Variants in SPAG6 observed in about 807,000 individuals in gnomAD.
SPAG6 encodes sperm-associated antigen 6.
SPAG6 carries 49 observed loss-of-function variants against 58.5 expected under a neutral mutation model. The observed-to-expected ratio is 0.84, with a 90% CI of 0.67 to 1.06. The LOEUF (loss-of-function observed/expected upper bound fraction) is 1.06, where lower values mean the gene tolerates loss of function less well. SPAG6 is among the 50% of genes least tolerant of loss of function. The pLI is 0.00. For synonymous variants in SPAG6, 233 were observed against 225.6 expected, an observed-to-expected ratio of 1.03 and a Z score of -0.29; for missense variants, 560 against 611.3, an observed-to-expected ratio of 0.92 and a Z score of 0.89.
intron 6 of SPAG6, 122 bp downstream of exon 6, chr10:22,388,118 C>T (rs1249105289): frequency 1.7e-5 from 13 of 744,742 alleles, no homozygotes; most frequent in East Asian, 5.5e-5. Flanking sequence ...CAGGATTTCT[C>T]GTCTTCTACT....
intron 4 of SPAG6, among the ~76,000 whole-genome samples, chr10:22,378,899 A>G (rs979631834): frequency 2.0e-5 from 3 of 152,180 alleles, no homozygotes; most frequent in African/African-American, 4.8e-5. Context: ...TGTTAACTCC[A>G]GATCAATGGC....
chr10:22,410,022 C>T (rs1588565622), intron 9 of SPAG6, among the ~76,000 whole-genome samples: 1 of 152,286 alleles, frequency 6.6e-6, no homozygotes, highest in Non-Finnish European at 1.5e-5. Flanking sequence ...CTTCCTCAAC[C>T]TCCCCTCCAC....
Position 22,391,752 on chromosome 10 carries a change from C to T in SPAG6, c.1029C>T (p.Cys343=). The change falls in exon 8 of 11, where the codon TGC becomes TGT. Residue 343 remains cysteine, a synonymous_variant. Coordinates refer to ENST00000376624, the MANE Select transcript of SPAG6 (RefSeq NM_012443.4). ...ISKGVPQLSV[C]LSEEPEDHIK... ...AGGGTGTACCCCAGTTGTCAGTCTG[C>T]TTGTCAGAAGAACCGGAAGATCATA... The T allele has an allele frequency of 6.2e-7, 1 of 1,613,448 alleles. No individual in the cohort carries two copies. The highest frequency in any genetic ancestry group is 8.5e-7 in the Non-Finnish European group (1 of 1,179,640).
At chr10:22,372,008 C>G (rs985361701) in intron 4 of SPAG6, among the ~76,000 whole-genome samples, 10 of 152,090 alleles carry the variant, frequency 6.6e-5, no homozygotes, top group Non-Finnish European at 1.2e-4. Context: ...TCTGACTTTG[C>G]AGATAAATAA....
At position 22,411,119 on chromosome 10, in the gene SPAG6, C is replaced by A; in HGVS notation, c.1403C>A (p.Ser468Tyr). 6.2e-7 allele frequency: 1 copy of A among 1,613,966 alleles called. No individual in the cohort carries two copies. Among genetic ancestry groups the A allele is most frequent in the Non-Finnish European group, 8.5e-7 (1 of 1,179,896 alleles). ...CAAGAGATAAAAGCAGAACCTGGTTCTCTCCTTCAAGAATACATCAACAGT... is the reference window on the plus strand; with the variant it reads ...CAAGAGATAAAAGCAGAACCTGGTTATCTCCTTCAAGAATACATCAACAGT... Reference protein sequence around the residue: ...KVQEIKAEPGSLLQEYINSIN... With the variant: ...KVQEIKAEPGYLLQEYINSIN... The change falls in exon 10 of 11, where the codon TCT (serine) becomes TAT (tyrosine). Residue 468 changes from serine (S) to tyrosine (Y), a missense_variant. By Grantham distance (144) the Ser-to-Tyr change is moderately radical. Transcript: ENST00000376624.
chr10:22,399,364 T>G (rs1048682541), intron 8 of SPAG6, among the ~76,000 whole-genome samples: 1 of 152,200 alleles, frequency 6.6e-6, no homozygotes, highest in East Asian at 1.9e-4. Flanking sequence ...TTTCTGTGTT[T>G]CTGAATTTGA....
chr10:22,396,918 G>A (rs1424493673), intron 8 of SPAG6, among the ~76,000 whole-genome samples: 1 of 152,108 alleles, frequency 6.6e-6, no homozygotes, highest in Non-Finnish European at 1.5e-5. Flanking sequence ...TGTATCTAAG[G>A]ATAAACATTA....
intron 10 of SPAG6, among the ~76,000 whole-genome samples, chr10:22,414,161 A>G (rs1320812558): frequency 6.6e-6 from 1 of 152,174 alleles, no homozygotes; most frequent in Non-Finnish European, 1.5e-5. Flanking sequence ...GCTTTGGGGC[A>G]ACATCTAATT....
At chr10:22,388,858 T>C (rs907202197) in intron 6 of SPAG6, among the ~76,000 whole-genome samples, 12 of 152,146 alleles carry the variant, frequency 7.9e-5, no homozygotes. Flanking sequence ...TAGTTAGTTA[T>C]GAACCAGCCC....
intron 2 of SPAG6, among the ~76,000 whole-genome samples, chr10:22,356,797 T>A (rs1836881104): frequency 6.6e-6 from 1 of 152,196 alleles, no homozygotes; most frequent in African/African-American, 2.4e-5. Context: ...ACTATGATAG[T>A]TTCCTAAGTG....
At position 22,364,940 on chromosome 10, in the gene SPAG6, A is replaced by G; in HGVS notation, c.209A>G (p.Asn70Ser). The G allele has an allele frequency of 6.2e-7, 1 of 1,613,534 alleles. No individual in the cohort carries two copies. The highest frequency in any genetic ancestry group is 8.5e-7 in the Non-Finnish European group (1 of 1,179,644). Residue 70 changes from asparagine to serine, a missense_variant, in exon 3 of 11, where the codon AAT (asparagine) becomes AGT (serine). Asn to Ser is a conservative substitution (Grantham distance 46). Transcript: ENST00000376624. Reference sequence around the variant, plus strand: ...GCTTTGGCTCTTGGGAGACTGGCCAATTATAATGATGACCTAGCAGAAGCT... The same window carrying G: ...GCTTTGGCTCTTGGGAGACTGGCCAGTTATAATGATGACCTAGCAGAAGCT... Reference protein sequence around the residue: ...TAALALGRLANYNDDLAEAVV... With the variant: ...TAALALGRLASYNDDLAEAVV...
At chr10:22,361,995 T>C (rs892678743) in intron 2 of SPAG6, among the ~76,000 whole-genome samples, 2 of 147,020 alleles carry the variant, frequency 1.4e-5, no homozygotes, top group Non-Finnish European at 3.0e-5. Context: ...TAAATAAATA[T>C]ATATATTTAT....
At chr10:22,362,245 C>T (rs906338322) in intron 2 of SPAG6, among the ~76,000 whole-genome samples, 3 of 147,488 alleles carry the variant, frequency 2.0e-5, no homozygotes, top group South Asian at 2.1e-4. Context: ...ATTTCCCCCC[C>T]AAAACAAAAT....
chr10:22,365,060 A>C, intron 3 of SPAG6, 41 bp downstream of exon 3: 2 of 1,465,660 alleles, frequency 1.4e-6, no homozygotes, highest in Non-Finnish European at 9.2e-7. Context: ...TTTTTGTTTT[A>C]GATTTTTAAA....
chr10:22,364,739 T>G, intron 2 of SPAG6, 114 bp from the exon 3 acceptor site: 1 of 706,874 alleles, frequency 1.4e-6, no homozygotes, highest in Non-Finnish European at 2.2e-6. Flanking sequence ...GGTGAATAGT[T>G]TTATTTTTAC....
chr10:22,346,488 T>TTCTTCTTCTTTCTTCTTCTTCTTCC (rs1564357336), intron 2 of SPAG6, among the ~76,000 whole-genome samples: 13 of 132,334 alleles, frequency 9.8e-5, no homozygotes, highest in Non-Finnish European at 1.8e-4. Flanking sequence ...CTTCTTCTTC[T>TTCTTCTTCTTTCTTCTTCTTCTTCC]TCTTCTTCTT....
At position 22,412,128 on chromosome 10, in the gene SPAG6, C is replaced by T. The variant is rs900120436; in HGVS notation, c.1460+952C>T. Among the ~76,000 whole-genome samples, 8 of 152,066 alleles carry T rather than the reference C, an allele frequency of 5.3e-5. No individual in the cohort carries two copies. The East Asian group carries it at 1.4e-3, about 26-fold the overall frequency. The stretch of plus-strand genomic sequence containing the variant: ...CCTCCCAGAGTGCTGGGATTACAGG[C>T]GTGAGCCACCGCGACCGCCCGGCCA... On this transcript the variant is annotated intron_variant, in intron 10 of 10. Transcript: ENST00000376624.
intron 2 of SPAG6, among the ~76,000 whole-genome samples, chr10:22,355,484 A>C (rs1477866065): frequency 6.6e-6 from 1 of 152,242 alleles, no homozygotes; most frequent in African/African-American, 2.4e-5. Flanking sequence ...CTTGGAAGAT[A>C]CTATAGCTAA....
intron 4 of SPAG6, among the ~76,000 whole-genome samples, chr10:22,379,296 C>T (rs556463168): frequency 6.6e-6 from 1 of 152,298 alleles, no homozygotes; most frequent in South Asian, 2.1e-4. Context: ...TTTGTGGTAG[C>T]AGCCTCCATG....
Sources: gnomAD v4.1 joint callset for allele counts (sites outside exome capture counted in the v4.1 genomes callset) on GRCh38, gnomAD v4.1.1 for gene constraint, MANE v1.5 for transcripts, NCBI Gene and HGNC (gene_info 2026-07-23, HGNC 2026-07-21) for gene names.